TBC1D31: variants seen among roughly 807,000 people sequenced by gnomAD.
TBC1D31 encodes the protein TBC1 domain family member 31, also known as WD repeat domain 67.
Under a neutral mutation model 132.9 loss-of-function variants are expected in TBC1D31, and 99 were observed. The ratio of observed to expected loss-of-function variants is 0.74; its 90% CI spans 0.63 to 0.88. TBC1D31 has a LOEUF of 0.88. Ranked by LOEUF, TBC1D31 falls within the 40% of genes least tolerant of loss-of-function variation. The pLI is 0.00. For synonymous variants in TBC1D31, 385 were observed against 419.4 expected, an observed-to-expected ratio of 0.92 and a Z score of 1.00; for missense variants, 1,134 against 1,256.6, an observed-to-expected ratio of 0.90 and a Z score of 1.48.
At position 123,151,963 on chromosome 8, in the gene TBC1D31, C is replaced by T. The variant is rs1370521204; in HGVS notation, c.*24C>T. On this transcript the variant is annotated 3_prime_UTR_variant, in exon 22 of 22. Coordinates refer to ENST00000287380, the MANE Select transcript of TBC1D31 (RefSeq NM_145647.4). ...AGAATGCATGTCACCTTGAGACGGTCGAGAGAGAGACCTATTTTGCAATCA... is the reference window on the plus strand; with the variant it reads ...AGAATGCATGTCACCTTGAGACGGTTGAGAGAGAGACCTATTTTGCAATCA... The T allele has an allele frequency of 4.8e-6, 7 of 1,452,408 alleles. No individual in the cohort carries two copies. In the African/African-American group the frequency reaches 8.7e-5, roughly 18 times the overall value. 90.0% of individuals were successfully genotyped at this position (1,452,408 alleles called of 1,614,324 possible).
chr8:123,077,399 G>C, intron 2 of TBC1D31, 142 bp downstream of exon 2: 1 of 762,300 alleles, frequency 1.3e-6, no homozygotes, highest in Non-Finnish European at 1.9e-6. Flanking sequence ...ACTGTCATAA[G>C]TGCTAAAGGA....
At chr8:123,144,496 C>T (rs1271500745) in intron 19 of TBC1D31, among the ~76,000 whole-genome samples, 1 of 152,122 alleles carries the variant, frequency 6.6e-6, no homozygotes, top group Admixed American at 6.5e-5. Flanking sequence ...TTGTGGCACT[C>T]TGCAATACTG....
chr8:123,105,188 T>A (rs1817806875), intron 7 of TBC1D31, 100 bp from the exon 8 acceptor site: 1 of 821,458 alleles, frequency 1.2e-6, no homozygotes, highest in East Asian at 3.1e-5. Flanking sequence ...TTCTACATAT[T>A]AAGGCATGTT....
chr8:123,107,450 C>A (rs1818039530), intron 8 of TBC1D31, among the ~76,000 whole-genome samples: 1 of 152,160 alleles, frequency 6.6e-6, no homozygotes, highest in African/African-American at 2.4e-5. Context: ...ATAACTTCTT[C>A]ATGTAACTCT....
At position 123,120,220 on chromosome 8, in the gene TBC1D31, A is replaced by G. The variant is rs376732338; in HGVS notation, c.1570+32A>G. 5 of 1,535,462 alleles carry G rather than the reference A, an allele frequency of 3.3e-6. No homozygotes were observed. In the African/African-American group the frequency reaches 5.5e-5, roughly 17 times the overall value. The stretch of plus-strand genomic sequence containing the variant: ...AAATACTTGTTAAAGTATAAGATCA[A>G]GAATGGATTCTTATACATTTTCCTG... On this transcript the variant is annotated intron_variant, in intron 11 of 21. Transcript: ENST00000287380.
At chr8:123,118,362 T>C (rs908225813) in intron 10 of TBC1D31, among the ~76,000 whole-genome samples, 1 of 152,156 alleles carries the variant, frequency 6.6e-6, no homozygotes, top group African/African-American at 2.4e-5. Flanking sequence ...ACTCTACTAT[T>C]TTTGCAGTTT....
At chr8:123,075,778 T>C (rs1343826333) in intron 1 of TBC1D31, among the ~76,000 whole-genome samples, 1 of 152,156 alleles carries the variant, frequency 6.6e-6, no homozygotes, top group Non-Finnish European at 1.5e-5. Flanking sequence ...TAAAAACTAT[T>C]GTTGCAATAA....
intron 11 of TBC1D31, among the ~76,000 whole-genome samples, chr8:123,121,177 C>T (rs766855861): frequency 8.8e-5 from 13 of 148,464 alleles, no homozygotes; most frequent in African/African-American, 1.3e-4. Context: ...AGGCTGGTCT[C>T]GAACTCCTGA....
At chr8:123,085,289 C>T (rs535486071) in intron 4 of TBC1D31, among the ~76,000 whole-genome samples, 1 of 152,278 alleles carries the variant, frequency 6.6e-6, no homozygotes, top group Non-Finnish European at 1.5e-5. Flanking sequence ...ATTACATTAT[C>T]CCAGAAAATT....
chr8:123,083,491 G>A (rs886391497), intron 3 of TBC1D31: 3 of 151,914 alleles, frequency 2.0e-5, no homozygotes, highest in Non-Finnish European at 2.9e-5. Flanking sequence ...CTTCTAGGCT[G>A]AAGTGATTCA....
intron 16 of TBC1D31, among the ~76,000 whole-genome samples, chr8:123,131,189 C>A (rs7823281): frequency 4.6e-5 from 7 of 151,268 alleles, no homozygotes; most frequent in African/African-American, 1.5e-4. Flanking sequence ...CATGGTGAAA[C>A]CCTGTCTCTA....
chr8:123,092,995 A>G (rs1053646012), intron 4 of TBC1D31, among the ~76,000 whole-genome samples: 3 of 151,896 alleles, frequency 2.0e-5, no homozygotes, highest in Non-Finnish European at 2.9e-5. Context: ...TATTTTTAAT[A>G]GAGACGAGGT....
chr8:123,079,532 A>C (rs1015858356), intron 2 of TBC1D31, among the ~76,000 whole-genome samples: 1 of 152,206 alleles, frequency 6.6e-6, no homozygotes, highest in African/African-American at 2.4e-5. Context: ...CCTAATCTTA[A>C]ATCAGTACCA....
At chr8:123,095,975 A>G (rs560998321) in intron 5 of TBC1D31, among the ~76,000 whole-genome samples, 11 of 152,258 alleles carry the variant, frequency 7.2e-5, no homozygotes, top group Non-Finnish European at 1.5e-4. Context: ...ACCAAACCAT[A>G]TAGCAAATTG....
Position 123,140,749 on chromosome 8 carries a change from T to C in TBC1D31, c.2500-12T>C. The C allele has an allele frequency of 1.3e-6, 2 of 1,585,084 alleles. No individual in the cohort carries two copies. The highest frequency in any genetic ancestry group is 4.5e-5 in the East Asian group (2 of 44,726). ...TAAATTAGTGATTTTTTTTTACAAA[T>C]GATTTTAACAGAATCTTACTGAAAA... is the stretch of plus-strand genomic sequence containing the variant. On this transcript the variant is annotated splice_polypyrimidine_tract_variant and intron_variant, in intron 17 of 21. Coordinates refer to ENST00000287380, the MANE Select transcript of TBC1D31 (RefSeq NM_145647.4).
intron 21 of TBC1D31, among the ~76,000 whole-genome samples, chr8:123,151,139 G>GTTATTTGGTAACCTTAGA (rs1276784301): frequency 6.6e-6 from 1 of 152,158 alleles, no homozygotes; most frequent in Non-Finnish European, 1.5e-5. Flanking sequence ...ATATCAAATG[G>GTTATTTGGTAACCTTAGA]TTATTTGGCA....
At chr8:123,113,033 T>G (rs899135838) in intron 10 of TBC1D31, among the ~76,000 whole-genome samples, 2 of 152,188 alleles carry the variant, frequency 1.3e-5, no homozygotes, top group Non-Finnish European at 2.9e-5. Flanking sequence ...GCCGAAGGAA[T>G]TAAAAGAGGA....
intron 1 of TBC1D31, chr8:123,075,131 G>A (rs1407597965): frequency 1.3e-5 from 2 of 152,122 alleles, no homozygotes; most frequent in Non-Finnish European, 2.9e-5. Context: ...CATGTAATAA[G>A]TGTTCTAGAA....
At chr8:123,083,941 CT>C in intron 3 of TBC1D31, 1 of 443,472 alleles carries the variant, frequency 2.3e-6, no homozygotes, top group Admixed American at 3.9e-5. Context: ...TCATCAAAGC[CT>C]TTGTCAGCCT....
Sources: allele counts gnomAD v4.1 joint callset (sites outside exome capture counted in the v4.1 genomes callset), GRCh38; gene constraint gnomAD v4.1.1; transcripts MANE v1.5; gene names NCBI Gene and HGNC (gene_info 2026-07-23, HGNC 2026-07-21).